The following TRIM66 variants were observed in gnomAD, a reference collection of about 807,000 sequenced individuals.
TRIM66 encodes the protein tripartite motif containing 66.
In TRIM66, 99 loss-of-function variants were observed where a neutral mutation model predicts 148.2. That is an observed-to-expected ratio of 0.67 (90% CI 0.57 to 0.79). The LOEUF (loss-of-function observed/expected upper bound fraction) is 0.79, where lower values mean the gene tolerates loss of function less well. TRIM66 is among the 30% of genes least tolerant of loss of function. TRIM66 has a pLI of 0.00. For missense variants in TRIM66, 1,666 were observed against 1,697.9 expected (o/e 0.98, Z 0.33); for synonymous variants, 616 against 635.9 (o/e 0.97, Z 0.47).
chr11:8,648,310 G>T, intron 9 of TRIM66, 106 bp downstream of exon 9: 1 of 1,475,990 alleles, frequency 6.8e-7, no homozygotes, highest in African/African-American at 1.4e-5. Flanking sequence ...GCTGCAGGTT[G>T]GCTTGGGCAG....
At chr11:8,624,269 G>A in intron 17 of TRIM66, 90 bp downstream of exon 17, 4 of 1,399,478 alleles carry the variant, frequency 2.9e-6, no homozygotes, top group Non-Finnish European at 3.9e-6. Flanking sequence ...CCAGCTTAGA[G>A]CTTGTCTGCT....
chr11:8,668,765 T>C (rs1242681103), intron 6 of TRIM66, among the ~76,000 whole-genome samples: 1 of 152,036 alleles, frequency 6.6e-6, no homozygotes, highest in East Asian at 1.9e-4. Flanking sequence ...TTTTGTATTT[T>C]AGTAGAGACG....
chr11:8,670,291 C>T (rs111667311), intron 6 of TRIM66, among the ~76,000 whole-genome samples: 111 of 152,280 alleles, frequency 7.3e-4, no homozygotes, highest in African/African-American at 2.6e-3. Flanking sequence ...GGATTATAGG[C>T]GTGAGCCACT....
At chr11:8,648,282 A>G (rs2037046795) in intron 9 of TRIM66, 134 bp downstream of exon 9, 1 of 1,398,126 alleles carries the variant, frequency 7.2e-7, no homozygotes, top group Admixed American at 2.5e-5. Context: ...AGGAGCAGAG[A>G]AAAACTTCAG....
intron 17 of TRIM66, among the ~76,000 whole-genome samples, chr11:8,623,557 C>T (rs1299187266): frequency 1.3e-5 from 2 of 152,174 alleles, no homozygotes; most frequent in South Asian, 2.1e-4. Flanking sequence ...TTATTTCTTT[C>T]GTTTTCATTT....
chr11:8,618,735 G>A lies in TRIM66; in HGVS notation c.4119+15C>T. 1 of 1,547,186 alleles carries A rather than the reference G, an allele frequency of 6.5e-7. No homozygotes were observed. Among genetic ancestry groups the A allele is most frequent in the East Asian group, 2.4e-5 (1 of 40,866 alleles). On this transcript the variant is annotated intron_variant, in intron 24 of 24. Coordinates refer to ENST00000646038, the MANE Select transcript of TRIM66 (RefSeq NM_001388022.1). Reference sequence around the variant, plus strand: ...ATCACCGCCCACCTGCTGCTGGCTGGCAGTAACTCTTTACCATATGTCGTC... The same window carrying A: ...ATCACCGCCCACCTGCTGCTGGCTGACAGTAACTCTTTACCATATGTCGTC...
rs182072012 is a variant in TRIM66, at chr11:8,613,378, G to A, written c.*4566C>T. The A allele has an allele frequency of 7.8e-4, 119 of 152,308 alleles. No individual in the cohort carries two copies. The highest frequency in any genetic ancestry group is 9.0e-4 in the Non-Finnish European group (61 of 68,040). The allele number at this position is 152,308 out of a possible 1,614,324, so 9.4% of individuals were successfully genotyped here. A position where few individuals can be genotyped will look rare whatever the true frequency, so the allele number is the denominator to read the frequency against. ...GTTGGTGGGTGGTGTGAAATGCTGC[G>A]GAGAGGTCAAGACAGCTGAGCACTG... On this transcript the variant is annotated 3_prime_UTR_variant, in exon 25 of 25. Coordinates refer to ENST00000646038, the MANE Select transcript of TRIM66 (RefSeq NM_001388022.1).
In TRIM66 at chr11:8,617,279, C is replaced by T. The variant is rs541599361; in HGVS notation, c.*665G>A. 1 of 152,744 alleles carries T rather than the reference C, an allele frequency of 6.5e-6. No homozygotes were observed. Among genetic ancestry groups the T allele is most frequent in the South Asian group, 2.1e-4 (1 of 4,828 alleles). The allele number at this position is 152,744 out of a possible 1,614,324, so 9.5% of individuals were successfully genotyped here. A position where few individuals can be genotyped will look rare whatever the true frequency, so the allele number is the denominator to read the frequency against. ...ACCCAGCTCAGTCAAGAATGTCACA[C>T]CATCCACAGCATTTTCACAGCAGCC... is the stretch of plus-strand genomic sequence containing the variant. On this transcript the variant is annotated 3_prime_UTR_variant, in exon 25 of 25. Coordinates refer to ENST00000646038, the MANE Select transcript of TRIM66 (RefSeq NM_001388022.1).
At position 8,680,020 on chromosome 11, in the gene TRIM66, G is replaced by A. The variant is rs1251962870; in HGVS notation, c.-504C>T. 6.6e-6 allele frequency: 1 copy of A among 152,290 alleles called. No individual in the cohort carries two copies. Among genetic ancestry groups the A allele is most frequent in the East Asian group, 1.9e-4 (1 of 5,208 alleles). The allele number at this position is 152,290 out of a possible 1,614,324, so 9.4% of individuals were successfully genotyped here. On this transcript the variant is annotated 5_prime_UTR_variant, in exon 2 of 25. Transcript: ENST00000646038. ...GCAGATGTATTTTGTAAATTGCCAA[G>A]TGCTCTGAAAATGTTGGTTGTTATC...
At position 8,648,574 on chromosome 11, in the gene TRIM66, G is replaced by A. The variant is rs1161891954; in HGVS notation, c.593-26C>T. ...CTGCCAGAGAAGACAGAGAAAGTGA[G>A]CTTCTCTTGCTCAGGTAGACAAACC... On this transcript the variant is annotated intron_variant, in intron 8 of 24. Transcript: ENST00000646038. The A allele has an allele frequency of 1.9e-6, 3 of 1,550,804 alleles. No homozygotes were observed. The African/African-American group carries it at 4.1e-5, about 21-fold the overall frequency.
At position 8,638,853 on chromosome 11, in the gene TRIM66, C is replaced by T. The variant is rs374688138; in HGVS notation, c.2149-38G>A. On this transcript the variant is annotated intron_variant, in intron 14 of 24. Transcript: ENST00000646038. ...ATAAGAACTTGGGTGGGTTTTACTG[C>T]AGACAGCGTAGCAGCAGCAGCAGTG... The T allele has an allele frequency of 1.1e-5, 17 of 1,542,606 alleles. No homozygotes were observed. The African/African-American group carries it at 2.2e-4, about 20-fold the overall frequency.
At chr11:8,650,476 G>T (rs950305173) in intron 7 of TRIM66, among the ~76,000 whole-genome samples, 3 of 150,908 alleles carry the variant, frequency 2.0e-5, no homozygotes, top group Non-Finnish European at 4.4e-5. Flanking sequence ...AGGAAGGGAA[G>T]GAGGAAGGGA....
At chr11:8,655,581 G>A (rs961640926) in intron 6 of TRIM66, among the ~76,000 whole-genome samples, 1 of 151,962 alleles carries the variant, frequency 6.6e-6, no homozygotes, top group Non-Finnish European at 1.5e-5. Context: ...TCAGGAGTTC[G>A]AGACCAGCTT....
chr11:8,618,844 A>T lies in TRIM66; in HGVS notation c.4025T>A (p.Val1342Glu), dbSNP rs140374311. 325 of 1,550,724 alleles carry T rather than the reference A, an allele frequency of 2.1e-4. No individual in the cohort carries two copies. In the African/African-American group the frequency reaches 3.8e-3, roughly 18 times the overall value. Reference protein sequence around the residue: ...PRQEDSDSEEVSSESGCSTPQ... With the variant: ...PRQEDSDSEEESSESGCSTPQ... ...AGTGGAACATCCACTCTCACTAGACACCTCCTCGGAGTCTGAGTCCTCCTG... is the reference window on the plus strand; with the variant it reads ...AGTGGAACATCCACTCTCACTAGACTCCTCCTCGGAGTCTGAGTCCTCCTG... Residue 1342 changes from valine to glutamate, a missense_variant, in exon 24 of 25, where the codon GTG becomes GAG. By Grantham distance (121) the Val-to-Glu change is moderately radical. Coordinates refer to ENST00000646038, the MANE Select transcript of TRIM66 (RefSeq NM_001388022.1).
intron 6 of TRIM66, among the ~76,000 whole-genome samples, chr11:8,671,454 C>G (rs975681424): frequency 2.6e-5 from 4 of 152,196 alleles, no homozygotes; most frequent in Non-Finnish European, 4.4e-5. Context: ...GCCAGCCATT[C>G]TCTCTCTGCC....
intron 6 of TRIM66, among the ~76,000 whole-genome samples, chr11:8,655,381 C>T (rs1161538354): frequency 1.3e-5 from 2 of 152,154 alleles, no homozygotes; most frequent in African/African-American, 4.8e-5. Context: ...GGTAAGTCAC[C>T]CCCTTTCACT....
intron 18 of TRIM66, among the ~76,000 whole-genome samples, chr11:8,622,497 C>T (rs977668151): frequency 6.6e-6 from 1 of 151,150 alleles, no homozygotes; most frequent in African/African-American, 2.4e-5. Context: ...AGGTCCACCA[C>T]ATTCTGTCCT....
Position 8,614,609 on chromosome 11 carries a change from T to A in TRIM66, c.*3335A>T, listed in dbSNP as rs10734634. The A allele has an allele frequency of 0.85, 129,396 of 152,550 alleles. 55,191 individuals are homozygous for A. Among genetic ancestry groups the A allele is most frequent in the South Asian group, 0.9 (4,352 of 4,830 alleles). 9.4% of individuals were successfully genotyped at this position (152,550 alleles called of 1,614,324 possible). A position where few individuals can be genotyped will look rare whatever the true frequency, so the allele number is the denominator to read the frequency against. ...TCCAGAAGGAGCAAAGGCTCAATTC[T>A]GGCGTTCAGAAAGGAAGACTATAAG... On this transcript the variant is annotated 3_prime_UTR_variant, in exon 25 of 25. Coordinates refer to ENST00000646038, the MANE Select transcript of TRIM66 (RefSeq NM_001388022.1).
chr11:8,682,126 C>T (rs866436298), intron 1 of TRIM66, among the ~76,000 whole-genome samples: 1 of 152,176 alleles, frequency 6.6e-6, no homozygotes, highest in African/African-American at 2.4e-5. Context: ...AGCAACCAGG[C>T]ATCTAAGTCC....
Sources: gnomAD v4.1 joint callset for allele counts (sites outside exome capture counted in the v4.1 genomes callset) on GRCh38, gnomAD v4.1.1 for gene constraint, MANE v1.5 for transcripts, NCBI Gene and HGNC (gene_info 2026-07-23, HGNC 2026-07-21) for gene names.